ADARB2: variants seen among roughly 807,000 people sequenced by gnomAD.
ADARB2 encodes inactive double-stranded RNA-specific editase B2.
ADARB2 carries 25 observed loss-of-function variants against 62.2 expected under a neutral mutation model. That is an observed-to-expected ratio of 0.40 (90% CI 0.29 to 0.56). The LOEUF (loss-of-function observed/expected upper bound fraction) is 0.56. Among genes scored for constraint, ADARB2 ranks in the 20% least tolerant of loss-of-function variants. ADARB2 has a pLI of 0.43. For synonymous variants in ADARB2, 572 were observed against 500.8 expected (o/e 1.14, Z -1.90); for missense variants, 1,071 against 1,077.4 (o/e 0.99, Z 0.08).
chr10:1,420,996 G>C (rs1588252293), intron 1 of ADARB2, among the ~76,000 whole-genome samples: 1 of 151,898 alleles, frequency 6.6e-6, no homozygotes, highest in South Asian at 2.1e-4. Flanking sequence ...TCACAGGGTG[G>C]TGTTACACCT....
chr10:1,374,994 C>G (rs1832409854), intron 2 of ADARB2, among the ~76,000 whole-genome samples: 1 of 152,074 alleles, frequency 6.6e-6, no homozygotes, highest in Non-Finnish European at 1.5e-5. Context: ...GCAGTGGCTC[C>G]TGGCATTTGT....
intron 1 of ADARB2, among the ~76,000 whole-genome samples, chr10:1,497,581 A>T (rs533478718): frequency 2.4e-4 from 36 of 152,252 alleles, no homozygotes; most frequent in Non-Finnish European, 5.0e-4. Flanking sequence ...TTGATTCAAA[A>T]CTATTTATAA....
At chr10:1,610,227 C>T (rs1391539639) in intron 1 of ADARB2, among the ~76,000 whole-genome samples, 1 of 152,180 alleles carries the variant, frequency 6.6e-6, no homozygotes, top group Non-Finnish European at 1.5e-5. Flanking sequence ...CCCCAGGGCC[C>T]CTACACGGGC....
chr10:1,375,187 G>C (rs1247328465), intron 2 of ADARB2, among the ~76,000 whole-genome samples: 2 of 152,206 alleles, frequency 1.3e-5, no homozygotes, highest in Admixed American at 6.5e-5. Context: ...GGCAGCCTTG[G>C]GCTCAGCTGG....
At chr10:1,648,492 G>A (rs1409447579) in intron 1 of ADARB2, among the ~76,000 whole-genome samples, 1 of 152,116 alleles carries the variant, frequency 6.6e-6, no homozygotes, top group Non-Finnish European at 1.5e-5. Flanking sequence ...CTCCCCCATA[G>A]TTTTACAAAG....
chr10:1,693,088 C>T (rs1316186872), intron 1 of ADARB2, among the ~76,000 whole-genome samples: 3 of 152,330 alleles, frequency 2.0e-5, no homozygotes, highest in Middle Eastern at 3.4e-3. Context: ...TGGAACTCAT[C>T]AGCACCCGTG....
At chr10:1,464,076 C>T (rs1320504515) in intron 1 of ADARB2, among the ~76,000 whole-genome samples, 1 of 152,228 alleles carries the variant, frequency 6.6e-6, no homozygotes, top group Non-Finnish European at 1.5e-5. Context: ...CCAGGACCGC[C>T]ACACACATGC....
chr10:1,737,034 C>T lies in ADARB2; in HGVS notation c.100+17G>A, dbSNP rs760018473. 1.2e-6 allele frequency: 2 copies of T among 1,608,512 alleles called. No homozygotes were observed. Among genetic ancestry groups the T allele is most frequent in the Non-Finnish European group, 1.7e-6 (2 of 1,179,722 alleles). ...GGGTGAAGGGGGGCAGGGGCCGGCGCGCCACGCGGTCCTTACCTTTCCGCT... is the reference window on the plus strand; with the variant it reads ...GGGTGAAGGGGGGCAGGGGCCGGCGTGCCACGCGGTCCTTACCTTTCCGCT... On this transcript the variant is annotated intron_variant, in intron 1 of 9. Transcript: ENST00000381312.
At chr10:1,380,217 C>T (rs1196672597) in intron 1 of ADARB2, among the ~76,000 whole-genome samples, 1 of 152,216 alleles carries the variant, frequency 6.6e-6, no homozygotes, top group Admixed American at 6.5e-5. Context: ...CTGATTAAGA[C>T]GCCCCAGGTG....
At chr10:1,316,323 G>T (rs529208440) in intron 3 of ADARB2, among the ~76,000 whole-genome samples, 1 of 152,228 alleles carries the variant, frequency 6.6e-6, no homozygotes, top group Non-Finnish European at 1.5e-5. Flanking sequence ...TGGTGATGGC[G>T]GCTTCCCTGA....
At chr10:1,376,125 C>T (rs1832427740) in intron 2 of ADARB2, among the ~76,000 whole-genome samples, 1 of 152,230 alleles carries the variant, frequency 6.6e-6, no homozygotes, top group African/African-American at 2.4e-5. Flanking sequence ...CCTTCCCGTG[C>T]ATCTGGATTA....
intron 1 of ADARB2, among the ~76,000 whole-genome samples, chr10:1,449,155 C>T (rs371395660): frequency 3.0e-4 from 46 of 152,318 alleles, no homozygotes; most frequent in African/African-American, 1.0e-3. Flanking sequence ...GAGTGACCCC[C>T]ACTCCTTTTC....
chr10:1,553,232 T>C (rs1832653845), intron 1 of ADARB2, among the ~76,000 whole-genome samples: 1 of 152,238 alleles, frequency 6.6e-6, no homozygotes, highest in South Asian at 2.1e-4. Context: ...GTGATTTCTG[T>C]CATAAATTGA....
chr10:1,697,203 A>G (rs558224073), intron 1 of ADARB2, among the ~76,000 whole-genome samples: 1 of 152,266 alleles, frequency 6.6e-6, no homozygotes, highest in East Asian at 1.9e-4. Context: ...GCCCACCCAC[A>G]CACCTAAACA....
At chr10:1,595,464 T>A (rs972000840) in intron 1 of ADARB2, among the ~76,000 whole-genome samples, 1 of 152,176 alleles carries the variant, frequency 6.6e-6, no homozygotes, top group African/African-American at 2.4e-5. Flanking sequence ...ACAGTCAGAT[T>A]TGTATTAGAA....
chr10:1,486,091 G>A (rs959799971), intron 1 of ADARB2, among the ~76,000 whole-genome samples: 3 of 152,062 alleles, frequency 2.0e-5, no homozygotes, highest in East Asian at 1.9e-4. Flanking sequence ...GTGCCACATC[G>A]GCTACTCATT....
intron 1 of ADARB2, among the ~76,000 whole-genome samples, chr10:1,652,892 G>T (rs904685359): frequency 2.0e-5 from 3 of 152,154 alleles, no homozygotes; most frequent in Non-Finnish European, 4.4e-5. Flanking sequence ...GGAAGGGTGC[G>T]TGTGTGCAGA....
chr10:1,643,961 C>G (rs766285367), intron 1 of ADARB2, among the ~76,000 whole-genome samples: 4 of 152,166 alleles, frequency 2.6e-5, no homozygotes, highest in African/African-American at 9.7e-5. Context: ...CCCCAGGCTT[C>G]CTCATGGAGA....
At chr10:1,610,304 A>G (rs965274538) in intron 1 of ADARB2, among the ~76,000 whole-genome samples, 1 of 152,134 alleles carries the variant, frequency 6.6e-6, no homozygotes, top group Non-Finnish European at 1.5e-5. Flanking sequence ...AGTCTCAACG[A>G]TACGATATGT....
Sources: gnomAD v4.1 joint callset for allele counts (sites outside exome capture counted in the v4.1 genomes callset) on GRCh38, gnomAD v4.1.1 for gene constraint, MANE v1.5 for transcripts, NCBI Gene and HGNC (gene_info 2026-07-23, HGNC 2026-07-21) for gene names.